TXNDC16: variants seen among roughly 807,000 people sequenced by gnomAD.
TXNDC16 encodes the protein thioredoxin domain-containing protein 16.
A neutral mutation model predicts 85.6 loss-of-function variants in TXNDC16; 74 were observed. That is an observed-to-expected ratio of 0.86 (90% CI 0.72 to 1.05). The LOEUF (loss-of-function observed/expected upper bound fraction) is 1.05, where lower values mean the gene tolerates loss of function less well. Ranked by LOEUF, TXNDC16 falls within the 50% of genes least tolerant of loss-of-function variation. TXNDC16 has a pLI of 0.00. For synonymous variants in TXNDC16, 335 were observed against 326.5 expected (o/e 1.03, Z -0.28); for missense variants, 959 against 947.0 (o/e 1.01, Z -0.17).
chr14:52,476,887 GT>G (rs2036032130), intron 14 of TXNDC16, among the ~76,000 whole-genome samples: 1 of 152,110 alleles, frequency 6.6e-6, no homozygotes, highest in South Asian at 2.1e-4. Context: ...GTTACCTAAA[GT>G]TAAGACAAAG....
At chr14:52,548,594 C>T (rs1230363078) in intron 1 of TXNDC16, among the ~76,000 whole-genome samples, 1 of 152,018 alleles carries the variant, frequency 6.6e-6, no homozygotes, top group Non-Finnish European at 1.5e-5. Context: ...GCCTCCAACA[C>T]TATTAGGCCA....
intron 20 of TXNDC16, among the ~76,000 whole-genome samples, chr14:52,434,863 T>C (rs1033265994): frequency 1.3e-5 from 2 of 152,196 alleles, no homozygotes; most frequent in Admixed American, 1.3e-4. Flanking sequence ...GGAGCAGTGA[T>C]GCATAGAAAT....
chr14:52,490,713 G>T, intron 10 of TXNDC16, 126 bp downstream of exon 10: 3 of 1,085,116 alleles, frequency 2.8e-6, no homozygotes, highest in Non-Finnish European at 3.9e-6. Context: ...TCAGCAACTA[G>T]TTCTAACTAT....
intron 9 of TXNDC16, among the ~76,000 whole-genome samples, chr14:52,492,549 G>A (rs985637043): frequency 1.6e-4 from 24 of 152,178 alleles, no homozygotes; most frequent in African/African-American, 5.6e-4. Context: ...CTGCAACAGT[G>A]TTGCCTGCCT....
At chr14:52,528,255 C>T (rs1485022712) in intron 6 of TXNDC16, among the ~76,000 whole-genome samples, 1 of 152,038 alleles carries the variant, frequency 6.6e-6, no homozygotes, top group Non-Finnish European at 1.5e-5. Flanking sequence ...AACACAAATG[C>T]TTCGGGATAA....
chr14:52,535,938 C>T (rs769212258), intron 6 of TXNDC16, among the ~76,000 whole-genome samples: 12 of 151,824 alleles, frequency 7.9e-5, no homozygotes, highest in African/African-American at 2.4e-4. Flanking sequence ...GTGGGAGGAT[C>T]GCTTGAGCCT....
In TXNDC16 at chr14:52,529,821, TTATG is replaced by T. The variant is rs1166144144; in HGVS notation, c.392+6894_392+6897del. Among the ~76,000 whole-genome samples the T allele has an allele frequency of 4.5e-5, 5 of 110,290 alleles. No homozygotes were observed. The East Asian group carries it at 1.3e-3, about 29-fold the overall frequency. 72.4% of individuals were successfully genotyped at this position (110,290 alleles called of 152,430 possible). On this transcript the variant is annotated intron_variant, in intron 6 of 20. Coordinates refer to ENST00000281741, the MANE Select transcript of TXNDC16 (RefSeq NM_020784.3). ...AATTATATATGACACCTATTATATA[TTATG>T]TATTATTACTATATATAATAAATAC...
At chr14:52,529,183 T>C (rs1410341067) in intron 6 of TXNDC16, among the ~76,000 whole-genome samples, 2 of 150,844 alleles carry the variant, frequency 1.3e-5, no homozygotes, top group African/African-American at 4.9e-5. Context: ...TGTAGGGACA[T>C]GGATGAAGCT....
intron 6 of TXNDC16, among the ~76,000 whole-genome samples, chr14:52,523,199 G>T (rs982039644): frequency 6.6e-6 from 1 of 152,154 alleles, no homozygotes; most frequent in Non-Finnish European, 1.5e-5. Context: ...CTCTGTTGAT[G>T]GGGTAAAACA....
intron 16 of TXNDC16, among the ~76,000 whole-genome samples, chr14:52,462,504 AGGGTTTCACCATGTTGCCCAGCCT>A (rs1391457425): frequency 6.6e-6 from 1 of 152,178 alleles, no homozygotes; most frequent in Non-Finnish European, 1.5e-5. Flanking sequence ...TAGTAGAGAC[AGGGTTTCACCATGTTGCCCAGCCT>A]GGCTGGTGTT....
chr14:52,534,997 A>G (rs577772136), intron 6 of TXNDC16, among the ~76,000 whole-genome samples: 7 of 152,266 alleles, frequency 4.6e-5, no homozygotes, highest in Non-Finnish European at 7.4e-5. Context: ...TCCTCTCCAC[A>G]TCTAGGGCCA....
At chr14:52,496,701 G>A (rs1018484754) in intron 9 of TXNDC16, among the ~76,000 whole-genome samples, 10 of 150,722 alleles carry the variant, frequency 6.6e-5, no homozygotes, top group African/African-American at 2.4e-4. Flanking sequence ...GACTTCCCCA[G>A]GCTCAGGTGA....
intron 12 of TXNDC16, among the ~76,000 whole-genome samples, chr14:52,486,943 G>A (rs58639050): frequency 0.48 from 72,431 of 151,826 alleles, 17,702 homozygotes; most frequent in East Asian, 0.7. Flanking sequence ...AATAGGTACA[G>A]TTATTATTGG....
chr14:52,452,783 G>C (rs1283121330), intron 18 of TXNDC16, among the ~76,000 whole-genome samples: 1 of 152,072 alleles, frequency 6.6e-6, no homozygotes, highest in Non-Finnish European at 1.5e-5. Flanking sequence ...AAGACTTCTT[G>C]AGCAATATTA....
intron 12 of TXNDC16, among the ~76,000 whole-genome samples, chr14:52,486,084 T>C (rs2036262915): frequency 6.6e-6 from 1 of 152,076 alleles, no homozygotes; most frequent in Non-Finnish European, 1.5e-5. Flanking sequence ...TAAAGACCTA[T>C]TTTCTTATTT....
chr14:52,529,501 TTATATATAATGCC>T (rs1566580701), intron 6 of TXNDC16, among the ~76,000 whole-genome samples: 28 of 133,612 alleles, frequency 2.1e-4, no homozygotes, highest in East Asian at 8.8e-4. Flanking sequence ...CTACTATATA[TTATATATAATGCC>T]TATTATATAT....
intron 19 of TXNDC16, 64 bp downstream of exon 19, chr14:52,440,500 A>T: frequency 7.4e-7 from 1 of 1,344,884 alleles, no homozygotes; most frequent in East Asian, 2.7e-5. Context: ...TCGTTTCCTA[A>T]TGAAAATGTA....
intron 18 of TXNDC16, among the ~76,000 whole-genome samples, chr14:52,453,401 A>G (rs2035456659): frequency 6.6e-6 from 1 of 152,248 alleles, no homozygotes; most frequent in Non-Finnish European, 1.5e-5. Context: ...ACTATTCATA[A>G]CAGCCAAGAT....
intron 6 of TXNDC16, among the ~76,000 whole-genome samples, chr14:52,531,465 G>C (rs2140215517): frequency 6.6e-6 from 1 of 152,164 alleles, no homozygotes; most frequent in Admixed American, 6.6e-5. Flanking sequence ...TCCATTCAGT[G>C]GAATATTATT....
Sources: allele counts gnomAD v4.1 joint callset (sites outside exome capture counted in the v4.1 genomes callset), GRCh38; gene constraint gnomAD v4.1.1; transcripts MANE v1.5; gene names NCBI Gene and HGNC (gene_info 2026-07-23, HGNC 2026-07-21).